DOCK5: variants seen among roughly 807,000 people sequenced by gnomAD.
DOCK5 encodes the protein dedicator of cytokinesis 5, also known as dedicator of cytokinesis protein 5.
DOCK5 carries 142 observed loss-of-function variants against 251.8 expected under a neutral mutation model. The observed-to-expected ratio is 0.56, with a 90% CI of 0.49 to 0.65. The LOEUF is 0.65. Ranked by LOEUF, DOCK5 falls within the 30% of genes least tolerant of loss-of-function variation. The probability of loss-of-function intolerance (pLI) is 0.00; values close to 1 mark genes in which losing one functional copy is unlikely to be tolerated. For synonymous variants in DOCK5, 842 were observed against 835.5 expected, an observed-to-expected ratio of 1.01 and a Z score of -0.13; for missense variants, 2,111 against 2,312.3, an observed-to-expected ratio of 0.91 and a Z score of 1.79.
intron 9 of DOCK5, among the ~76,000 whole-genome samples, chr8:25,301,272 C>T (rs1804754035): frequency 3.3e-5 from 5 of 152,126 alleles, no homozygotes; most frequent in Admixed American, 3.3e-4. Context: ...TATCAATGTG[C>T]CACAATATAT....
chr8:25,266,053 C>G (rs2117593445), intron 2 of DOCK5, among the ~76,000 whole-genome samples: 1 of 151,916 alleles, frequency 6.6e-6, no homozygotes, highest in East Asian at 1.9e-4. Context: ...ACTGTCATTT[C>G]CCCTAAATGT....
chr8:25,213,834 G>A (rs1023304468), intron 1 of DOCK5, among the ~76,000 whole-genome samples: 1 of 152,200 alleles, frequency 6.6e-6, no homozygotes, highest in African/African-American at 2.4e-5. Context: ...TGCAATAAGA[G>A]ATGGGGGAGA....
chr8:25,303,727 C>T (rs1012214333), intron 10 of DOCK5, among the ~76,000 whole-genome samples: 5 of 152,006 alleles, frequency 3.3e-5, no homozygotes, highest in Non-Finnish European at 2.9e-5. Flanking sequence ...TTTGGGAGGC[C>T]GAGGCAGGCA....
chr8:25,272,889 C>T (rs143776699), intron 3 of DOCK5, among the ~76,000 whole-genome samples: 12 of 152,270 alleles, frequency 7.9e-5, no homozygotes, highest in African/African-American at 2.6e-4. Flanking sequence ...GCAAGCCCCT[C>T]AGAACCCCCA....
intron 34 of DOCK5, among the ~76,000 whole-genome samples, chr8:25,371,590 T>A (rs1002911170): frequency 1.3e-5 from 2 of 152,258 alleles, no homozygotes; most frequent in African/African-American, 4.8e-5. Flanking sequence ...TTATCCTGTT[T>A]CCATTAAGTC....
chr8:25,246,704 T>TTGTGTGTGTGTGTGTGTG (rs55963570), intron 2 of DOCK5, among the ~76,000 whole-genome samples: 2 of 89,576 alleles, frequency 2.2e-5, no homozygotes, highest in African/African-American at 7.9e-5. Context: ...CCATGTTAGT[T>TTGTGTGTGTGTGTGTGTG]TGTGTGTGTG....
In DOCK5 at chr8:25,395,652, C is replaced by T; in HGVS notation, c.4637C>T (p.Pro1546Leu). 1 of 1,613,694 alleles carries T rather than the reference C, an allele frequency of 6.2e-7. No homozygotes were observed. The highest frequency in any genetic ancestry group is 8.5e-7 in the Non-Finnish European group (1 of 1,179,818). ...HAWDRSLSVH[P>L]LSMLLSGIVD... is the part of the protein sequence containing the mutation. ...TGGGACCGGTCCCTCTCTGTGCACCCTCTCTCCATGCTGCTCAGTGGCATC... is the reference window on the plus strand; with the variant it reads ...TGGGACCGGTCCCTCTCTGTGCACCTTCTCTCCATGCTGCTCAGTGGCATC... The change falls in exon 45 of 52, where the codon CCT (proline) becomes CTT (leucine). Residue 1546 changes from proline to leucine, a missense_variant. Transcript: ENST00000276440.
chr8:25,233,768 G>A (rs1265086789), intron 1 of DOCK5, among the ~76,000 whole-genome samples: 5 of 128,836 alleles, frequency 3.9e-5, no homozygotes, highest in African/African-American at 2.2e-4. Flanking sequence ...AAAAAATTTT[G>A]TTTTATTTTT....
chr8:25,213,382 AAAG>A (rs1400290978), intron 1 of DOCK5, among the ~76,000 whole-genome samples: 1 of 151,434 alleles, frequency 6.6e-6, no homozygotes, highest in Non-Finnish European at 1.5e-5. Flanking sequence ...AAAAAAAAAA[AAAG>A]CTGATAATCT....
At chr8:25,374,976 G>T in intron 37 of DOCK5, 1 of 1,191,878 alleles carries the variant, frequency 8.4e-7, no homozygotes, top group African/African-American at 1.6e-5. Context: ...ACTGCAGAAA[G>T]ATGAGTTATA....
intron 2 of DOCK5, among the ~76,000 whole-genome samples, chr8:25,255,427 T>A (rs535824616): frequency 7.2e-5 from 11 of 152,216 alleles, no homozygotes; most frequent in African/African-American, 2.4e-4. Context: ...TGTTACTAAG[T>A]AAAAAGAGTC....
chr8:25,341,622 CTG>C, intron 23 of DOCK5, 115 bp from the exon 24 acceptor site: 1 of 803,718 alleles, frequency 1.2e-6, no homozygotes, highest in Non-Finnish European at 2.0e-6. Flanking sequence ...GTAAGGGTAT[CTG>C]TGTCCAGTTC....
At chr8:25,374,716 C>A in intron 37 of DOCK5, 62 bp downstream of exon 37, 2 of 1,612,552 alleles carry the variant, frequency 1.2e-6, no homozygotes, top group South Asian at 1.1e-5. Flanking sequence ...AGACTAAATT[C>A]TATACATTTC....
intron 40 of DOCK5, among the ~76,000 whole-genome samples, chr8:25,383,972 A>G (rs963292102): frequency 6.6e-6 from 1 of 152,262 alleles, no homozygotes; most frequent in African/African-American, 2.4e-5. Flanking sequence ...AAAAATGTAC[A>G]GGAATATTTA....
At chr8:25,289,404 G>A (rs980032474) in intron 5 of DOCK5, among the ~76,000 whole-genome samples, 20 of 151,366 alleles carry the variant, frequency 1.3e-4, no homozygotes, top group African/African-American at 4.1e-4. Context: ...CTCTTGCCTC[G>A]GCCTCCCAAA....
chr8:25,200,704 C>T (rs1395783364), intron 1 of DOCK5, among the ~76,000 whole-genome samples: 1 of 152,160 alleles, frequency 6.6e-6, no homozygotes, highest in Non-Finnish European at 1.5e-5. Flanking sequence ...TGCTTTCTGC[C>T]ATTCAGTTAG....
intron 44 of DOCK5, among the ~76,000 whole-genome samples, chr8:25,394,848 TGTG>T (rs1367747422): frequency 2.6e-5 from 4 of 151,938 alleles, no homozygotes; most frequent in African/African-American, 4.8e-5. Context: ...TCCAAAAAAT[TGTG>T]GTGTCCTTAT....
chr8:25,345,633 G>A (rs1411119742), intron 26 of DOCK5, 22 bp downstream of exon 26: 2 of 1,612,926 alleles, frequency 1.2e-6, no homozygotes, highest in Non-Finnish European at 8.5e-7. Flanking sequence ...CATCACTGAT[G>A]CTGCACAGAG....
At chr8:25,326,228 C>G (rs186805182) in intron 18 of DOCK5, among the ~76,000 whole-genome samples, 3 of 152,122 alleles carry the variant, frequency 2.0e-5, no homozygotes, top group African/African-American at 7.2e-5. Context: ...AGGGGACTTG[C>G]GCTAGAAATT....
Sources: gnomAD v4.1 joint callset for allele counts (sites outside exome capture counted in the v4.1 genomes callset) on GRCh38, gnomAD v4.1.1 for gene constraint, MANE v1.5 for transcripts, NCBI Gene and HGNC (gene_info 2026-07-23, HGNC 2026-07-21) for gene names.